Variants in ACTA2 observed in about 807,000 individuals in gnomAD.
ACTA2 encodes the protein actin, aortic smooth muscle.
ACTA2 carries 12 observed loss-of-function variants against 39.5 expected under a neutral mutation model. The ratio of observed to expected loss-of-function variants is 0.30; its 90% confidence interval spans 0.19 to 0.49. The LOEUF (loss-of-function observed/expected upper bound fraction) is 0.49, where lower values mean the gene tolerates loss of function less well. Among genes scored for constraint, ACTA2 ranks in the 20% least tolerant of loss-of-function variants. The pLI, the probability that ACTA2 is intolerant of heterozygous loss-of-function variation, is 0.99. For synonymous variants in ACTA2, 158 were observed against 180.6 expected (o/e 0.88, Z 1.00); for missense variants, 236 against 498.8 (o/e 0.47, Z 5.02).
At chr10:88,957,115 T>C (rs146129873), upstream of ACTA2, among the ~76,000 whole-genome samples, 41 of 152,300 alleles carry the variant, frequency 2.7e-4, no homozygotes, top group African/African-American at 8.9e-4. Context: ...ACAAGTCTTA[T>C]CTTAGGAAAG....
In ACTA2 at chr10:88,941,380, C is replaced by T. The variant is rs1845848176; in HGVS notation, c.465G>A (p.Leu155=). ...TGTGGGTGACACCATCTCCAGAGTCCAGCACGATGCCTGGGAGACAATTGG... is the reference window on the plus strand; with the variant it reads ...TGTGGGTGACACCATCTCCAGAGTCTAGCACGATGCCTGGGAGACAATTGG... ...YASGRTTGIV[L]DSGDGVTHNV... is the part of the protein sequence containing the mutation. Residue 155 remains leucine, a synonymous_variant, in exon 6 of 9, where the codon CTG becomes CTA. Transcript: ENST00000224784. 6.2e-7 allele frequency: 1 copy of T among 1,613,774 alleles called. No individual in the cohort carries two copies. Among genetic ancestry groups the T allele is most frequent in the Non-Finnish European group, 8.5e-7 (1 of 1,179,914 alleles).
intron 1 of ACTA2, among the ~76,000 whole-genome samples, chr10:88,975,637 G>A (rs778541822): frequency 6.6e-6 from 1 of 151,722 alleles, no homozygotes. Flanking sequence ...TTCCATGAGA[G>A]TAGGATTTTT....
At chr10:88,964,374 C>T (rs1474100831) in intron 1 of ACTA2, among the ~76,000 whole-genome samples, 1 of 152,156 alleles carries the variant, frequency 6.6e-6, no homozygotes, top group Non-Finnish European at 1.5e-5. Context: ...CAAAGAACAA[C>T]ACATTGGTGG....
chr10:88,939,818 A>G (rs1397872574), intron 6 of ACTA2, 120 bp from the exon 7 acceptor site: 3 of 1,017,628 alleles, frequency 2.9e-6, no homozygotes, highest in African/African-American at 3.2e-5. Flanking sequence ...TGTCAGTTCA[A>G]TATTCTGCAA....
intron 3 of ACTA2, among the ~76,000 whole-genome samples, chr10:88,945,607 C>A (rs1170443722): frequency 6.6e-6 from 1 of 152,098 alleles, no homozygotes; most frequent in East Asian, 1.9e-4. Flanking sequence ...TTCTCATTAG[C>A]TCTTTTATTA....
intron 1 of ACTA2, among the ~76,000 whole-genome samples, chr10:88,977,075 T>C (rs1420641477): frequency 6.6e-6 from 1 of 152,244 alleles, no homozygotes; most frequent in Non-Finnish European, 1.5e-5. Flanking sequence ...GACTGAATTG[T>C]TAAAAAATTT....
At chr10:88,941,970 G>A (rs1013365150) in intron 4 of ACTA2, 101 bp from the exon 5 acceptor site, 8 of 1,118,938 alleles carry the variant, frequency 7.1e-6, no homozygotes, top group Middle Eastern at 2.0e-4. Flanking sequence ...GGCCTGACCT[G>A]TTCTGGGCAG....
intron 1 of ACTA2, among the ~76,000 whole-genome samples, chr10:88,987,172 T>G (rs1184105910): frequency 6.6e-6 from 1 of 152,222 alleles, no homozygotes. Context: ...AATTCTTTGG[T>G]AGAAGAAGTA....
chr10:88,935,581 C>T (rs1305520058), intron 8 of ACTA2: 14 of 516,820 alleles, frequency 2.7e-5, no homozygotes, highest in Middle Eastern at 5.0e-4. Flanking sequence ...TCAGTAAGCA[C>T]ATTCGTTTTT....
intron 1 of ACTA2, among the ~76,000 whole-genome samples, chr10:88,964,820 T>C (rs994094367): frequency 2.0e-5 from 3 of 152,186 alleles, no homozygotes; most frequent in East Asian, 1.9e-4. Context: ...TATGAAAGCA[T>C]GGTCATTCAA....
intron 1 of ACTA2, among the ~76,000 whole-genome samples, chr10:88,988,979 C>T (rs3758483): frequency 0.9 from 137,361 of 152,268 alleles, 62,195 homozygotes; most frequent in East Asian, 0.99. Context: ...CGTACGTGGG[C>T]AGAGGGTAGG....
intron 3 of ACTA2, among the ~76,000 whole-genome samples, chr10:88,946,269 T>A (rs1452145193): frequency 7.3e-6 from 1 of 137,840 alleles, no homozygotes; most frequent in Non-Finnish European, 1.5e-5. Context: ...ACACTGTTAA[T>A]TAAACCTTTT....
At chr10:88,939,732 T>C in intron 6 of ACTA2, 34 bp from the exon 7 acceptor site, 1 of 1,612,070 alleles carries the variant, frequency 6.2e-7, no homozygotes, top group Non-Finnish European at 8.5e-7. Flanking sequence ...TGGCAAACAT[T>C]AGGGTCTGCA....
At position 88,973,691 on chromosome 10, in the gene ACTA2, T is replaced by C. The variant is rs1457413141; in HGVS notation, c.-24+17248A>G. On this transcript the variant is annotated intron_variant, in intron 1 of 4. Coordinates refer to the ACTA2 transcript ENST00000415557. ...CATTTGAATAACACCCATATTCATT[T>C]CTGCTACTGAACCAAAGCCTTTTCC... is the stretch of plus-strand genomic sequence containing the variant. 1.9e-5 allele frequency: 3 copies of C among 161,462 alleles called. No homozygotes were observed. In the East Asian group the frequency reaches 5.3e-4, roughly 28 times the overall value. The allele number at this position is 161,462 out of a possible 1,614,324, so 10.0% of individuals were successfully genotyped here.
chr10:88,949,389 A>G (rs1846010155), intron 1 of ACTA2, among the ~76,000 whole-genome samples: 2 of 152,202 alleles, frequency 1.3e-5, no homozygotes, highest in Non-Finnish European at 2.9e-5. Flanking sequence ...TTTTCTAGAT[A>G]TGCTATACCT....
intron 1 of ACTA2, among the ~76,000 whole-genome samples, chr10:88,981,058 T>C (rs533270433): frequency 2.2e-3 from 336 of 152,240 alleles, no homozygotes; most frequent in Non-Finnish European, 4.2e-3. Flanking sequence ...GAACAGGGCA[T>C]GGGGAGGCCA....
At chr10:88,939,075 C>T (rs948609090) in intron 7 of ACTA2, among the ~76,000 whole-genome samples, 2 of 152,116 alleles carry the variant, frequency 1.3e-5, no homozygotes, top group Non-Finnish European at 2.9e-5. Context: ...CAGGCTCACC[C>T]CTCTCAGAGC....
chr10:88,961,136 C>T (rs979982701), intron 1 of ACTA2, among the ~76,000 whole-genome samples: 2 of 152,090 alleles, frequency 1.3e-5, no homozygotes, highest in African/African-American at 4.8e-5. Context: ...GAAGAGTGAG[C>T]GTCTTTCATG....
chr10:88,947,112 T>C lies in ACTA2; in HGVS notation c.258+146A>G, dbSNP rs908382157. 22 of 1,201,584 alleles carry C rather than the reference T, an allele frequency of 1.8e-5. No homozygotes were observed. In the African/African-American group the frequency reaches 3.4e-4, roughly 18 times the overall value. 74.4% of individuals were successfully genotyped at this position (1,201,584 alleles called of 1,614,324 possible). A position where few individuals can be genotyped will look rare whatever the true frequency, so the allele number is the denominator to read the frequency against. ...CTACAAGGATTTTTTTTTCAATGGG[T>C]AATAACCCAGAATGAACATTAACAA... On this transcript the variant is annotated intron_variant, in intron 3 of 8. Transcript: ENST00000224784.
Sources: gnomAD v4.1 joint callset for allele counts (sites outside exome capture counted in the v4.1 genomes callset) on GRCh38, gnomAD v4.1.1 for gene constraint, MANE v1.5 for transcripts, NCBI Gene and HGNC (gene_info 2026-07-23, HGNC 2026-07-21) for gene names.